Variants in GABRR3 observed in about 807,000 individuals in gnomAD.
The protein encoded by GABRR3 is gamma-aminobutyric acid receptor subunit rho-3.
GABRR3 carries 29 observed loss-of-function variants against 43.2 expected under a neutral mutation model. That is an observed-to-expected ratio of 0.67 (90% CI 0.50 to 0.92). The LOEUF (loss-of-function observed/expected upper bound fraction) is 0.92, where lower values mean the gene tolerates loss of function less well. Ranked by LOEUF, GABRR3 falls within the 40% of genes least tolerant of loss-of-function variation. The pLI, the probability that GABRR3 is intolerant of heterozygous loss-of-function variation, is 0.00. For missense variants in GABRR3, 576 were observed against 572.3 expected, an observed-to-expected ratio of 1.01 and a Z score of -0.07; for synonymous variants, 206 against 195.9, an observed-to-expected ratio of 1.05 and a Z score of -0.43.
intron 9 of GABRR3, among the ~76,000 whole-genome samples, chr3:97,989,666 A>G (rs1706437058): frequency 6.6e-6 from 1 of 151,962 alleles, no homozygotes; most frequent in Admixed American, 6.6e-5. Flanking sequence ...TGGGAGAAGA[A>G]ACTGGCACGT....
chr3:97,997,526 G>T (rs1706577213), intron 8 of GABRR3: 1 of 151,660 alleles, frequency 6.6e-6, no homozygotes, highest in Non-Finnish European at 1.5e-5. Context: ...GTAAAATAAG[G>T]CAATAATAAC....
At chr3:98,029,074 T>C (rs1179732338) in intron 2 of GABRR3, among the ~76,000 whole-genome samples, 1 of 152,178 alleles carries the variant, frequency 6.6e-6, no homozygotes, top group Non-Finnish European at 1.5e-5. Context: ...AAGAAGCTTT[T>C]GGATTTCTTC....
chr3:98,005,820 G>A (rs947642618), intron 7 of GABRR3, among the ~76,000 whole-genome samples: 1 of 152,098 alleles, frequency 6.6e-6, no homozygotes, highest in Non-Finnish European at 1.5e-5. Context: ...TTTTGCATAT[G>A]TTCTGTGCAT....
chr3:98,021,773 T>A (rs1210204402), intron 3 of GABRR3, among the ~76,000 whole-genome samples: 1 of 152,228 alleles, frequency 6.6e-6, no homozygotes, highest in Non-Finnish European at 1.5e-5. Context: ...TAATCCTTTT[T>A]GTATATGGCA....
At chr3:97,986,634 T>C (rs151112839), downstream of GABRR3, 8 of 1,295,540 alleles carry the variant, frequency 6.2e-6, no homozygotes, top group African/African-American at 1.0e-4. Context: ...AAGAGTTTTG[T>C]TTTTAAACAT....
intron 7 of GABRR3, among the ~76,000 whole-genome samples, chr3:98,002,443 G>A (rs1288035706): frequency 1.3e-5 from 2 of 152,100 alleles, no homozygotes; most frequent in Non-Finnish European, 2.9e-5. Context: ...CACACATTTT[G>A]TTCAGGTTTA....
At chr3:98,004,367 G>A (rs1269054543) in intron 7 of GABRR3, among the ~76,000 whole-genome samples, 2 of 152,094 alleles carry the variant, frequency 1.3e-5, no homozygotes, top group South Asian at 4.1e-4. Context: ...AGATGAGAAA[G>A]TTAAGGGTTA....
intron 8 of GABRR3, chr3:98,000,748 A>T (rs540788872): frequency 1.3e-5 from 2 of 152,136 alleles, no homozygotes; most frequent in Non-Finnish European, 2.9e-5. Flanking sequence ...TCCTCTCTAG[A>T]TAGAGCACTA....
chr3:98,013,183 G>T (rs940719863), intron 4 of GABRR3, among the ~76,000 whole-genome samples: 1 of 152,164 alleles, frequency 6.6e-6, no homozygotes, highest in Admixed American at 6.5e-5. Flanking sequence ...TGCAAAGACT[G>T]ACTTTTGAAG....
intron 4 of GABRR3, among the ~76,000 whole-genome samples, chr3:98,016,301 C>T (rs940640573): frequency 4.6e-5 from 7 of 152,076 alleles, no homozygotes; most frequent in Non-Finnish European, 8.8e-5. Flanking sequence ...CAATTATTTC[C>T]CATGACAGTC....
At chr3:97,990,899 C>T (rs1181471488) in intron 9 of GABRR3, among the ~76,000 whole-genome samples, 1 of 151,704 alleles carries the variant, frequency 6.6e-6, no homozygotes, top group Non-Finnish European at 1.5e-5. Context: ...CACTACTGAA[C>T]TGCACACTTA....
chr3:97,986,288 C>T (rs997172681), downstream of GABRR3, among the ~76,000 whole-genome samples: 1 of 152,256 alleles, frequency 6.6e-6, no homozygotes, highest in South Asian at 2.1e-4. Flanking sequence ...TTGCCTAGGA[C>T]GGTTGAGCTC....
In GABRR3 at chr3:98,008,252, C is replaced by T. The variant is rs75110658; in HGVS notation, c.614-348G>A. On this transcript the variant is annotated intron_variant, in intron 6 of 9. Coordinates refer to ENST00000621172, the Ensembl canonical transcript of GABRR3. ...ATAGCATCCCCTCACTGTCACAGGC[C>T]TGACTCCAGGCTGTTAGTCCCCATT... 1.4e-3 allele frequency among the ~76,000 whole-genome samples: 206 copies of T among 152,276 alleles called. 6 individuals carry two copies. In the East Asian group the frequency reaches 0.037, roughly 28 times the overall value.
intron 2 of GABRR3, among the ~76,000 whole-genome samples, chr3:98,030,028 T>C (rs771379820): frequency 1.1e-4 from 17 of 150,378 alleles, no homozygotes; most frequent in Non-Finnish European, 2.2e-4. Context: ...GGCAGGAGAA[T>C]CACTTGAACC....
intron 3 of GABRR3, among the ~76,000 whole-genome samples, chr3:98,022,895 A>G (rs962597346): frequency 6.6e-6 from 1 of 152,192 alleles, no homozygotes; most frequent in Non-Finnish European, 1.5e-5. Context: ...CTTTAAATGT[A>G]TCTCTAACAG....
At chr3:97,995,256 C>A (rs1443470559) in intron 8 of GABRR3, among the ~76,000 whole-genome samples, 1 of 152,162 alleles carries the variant, frequency 6.6e-6, no homozygotes, top group Non-Finnish European at 1.5e-5. Flanking sequence ...GGATTACAGG[C>A]ATGAGCCACC....
chr3:97,990,639 G>A (rs1706453988), intron 9 of GABRR3, among the ~76,000 whole-genome samples: 2 of 152,150 alleles, frequency 1.3e-5, no homozygotes, highest in South Asian at 2.1e-4. Context: ...GAACCACTGT[G>A]CCTGGCCTAC....
intron 2 of GABRR3, among the ~76,000 whole-genome samples, chr3:98,033,676 G>A (rs886996003): frequency 9.9e-5 from 15 of 152,104 alleles, no homozygotes; most frequent in South Asian, 4.1e-4. Flanking sequence ...ACTATAAAAC[G>A]TAATAAGCTA....
At chr3:97,991,440 C>T (rs1470166811) in intron 9 of GABRR3, among the ~76,000 whole-genome samples, 4 of 152,220 alleles carry the variant, frequency 2.6e-5, no homozygotes, top group Non-Finnish European at 5.9e-5. Context: ...CTAACAGCTC[C>T]TGGTTTCCTT....
Sources: allele counts gnomAD v4.1 joint callset (sites outside exome capture counted in the v4.1 genomes callset), GRCh38; gene constraint gnomAD v4.1.1; transcripts MANE v1.5; gene names NCBI Gene and HGNC (gene_info 2026-07-23, HGNC 2026-07-21).